Variants in LRBA observed in about 807,000 individuals in gnomAD.
LRBA encodes LPS responsive beige-like anchor protein.
LRBA carries 176 observed loss-of-function variants against 330.0 expected under a neutral mutation model. The ratio of observed to expected loss-of-function variants is 0.53; its 90% CI spans 0.47 to 0.60. LRBA has a LOEUF of 0.60. Among genes scored for constraint, LRBA ranks in the 20% least tolerant of loss-of-function variants. The probability of loss-of-function intolerance (pLI) is 0.00; values close to 1 mark genes in which losing one functional copy is unlikely to be tolerated. For missense variants in LRBA, 3,259 were observed against 3,444.8 expected, an observed-to-expected ratio of 0.95 and a Z score of 1.35; for synonymous variants, 1,230 against 1,193.0, an observed-to-expected ratio of 1.03 and a Z score of -0.64.
intron 40 of LRBA, among the ~76,000 whole-genome samples, chr4:150,542,978 A>T (rs1765470845): frequency 6.6e-6 from 1 of 152,174 alleles, no homozygotes; most frequent in African/African-American, 2.4e-5. Flanking sequence ...ACAAAAATGC[A>T]AATAAATTGC....
At chr4:150,762,398 CT>C (rs1027831951) in intron 34 of LRBA, among the ~76,000 whole-genome samples, 5 of 151,874 alleles carry the variant, frequency 3.3e-5, no homozygotes, top group Non-Finnish European at 5.9e-5. Context: ...TATAAATCTA[CT>C]AACTATATTC....
chr4:150,446,520 C>G (rs1330398237), intron 44 of LRBA, among the ~76,000 whole-genome samples: 1 of 152,162 alleles, frequency 6.6e-6, no homozygotes, highest in Non-Finnish European at 1.5e-5. Context: ...GACTGACAGG[C>G]AGTTACATTG....
chr4:150,543,169 C>T (rs1455318840), intron 40 of LRBA, among the ~76,000 whole-genome samples: 1 of 152,148 alleles, frequency 6.6e-6, no homozygotes, highest in East Asian at 1.9e-4. Context: ...AATGTTGGGA[C>T]TTGAAAAGGC....
intron 2 of LRBA, among the ~76,000 whole-genome samples, chr4:150,935,136 A>G (rs545961895): frequency 6.6e-6 from 1 of 150,944 alleles, no homozygotes; most frequent in Admixed American, 6.6e-5. Flanking sequence ...AGATTGCCCC[A>G]TTGCACTCCA....
At chr4:150,337,588 C>T (rs946784506) in intron 48 of LRBA, among the ~76,000 whole-genome samples, 1 of 152,164 alleles carries the variant, frequency 6.6e-6, no homozygotes, top group Admixed American at 6.6e-5. Flanking sequence ...GTTTATTTGG[C>T]TTCTCATTGT....
At chr4:150,824,619 G>T (rs2126796581) in intron 30 of LRBA, among the ~76,000 whole-genome samples, 1 of 152,192 alleles carries the variant, frequency 6.6e-6, no homozygotes, top group Non-Finnish European at 1.5e-5. Context: ...TTATCATGAA[G>T]GAATAGTGAA....
intron 34 of LRBA, among the ~76,000 whole-genome samples, chr4:150,776,574 G>A (rs1458899290): frequency 6.6e-6 from 1 of 152,080 alleles, no homozygotes; most frequent in Non-Finnish European, 1.5e-5. Context: ...AGCACTTTAG[G>A]AGACCAAGGC....
chr4:150,887,539 C>T lies in LRBA; in HGVS notation c.2165+5513G>A, dbSNP rs1052082561. Among the ~76,000 whole-genome samples the T allele has an allele frequency of 5.3e-5, 8 of 151,948 alleles. 1 individual carries two copies. In the South Asian group the frequency reaches 1.5e-3, roughly 28 times the overall value. On this transcript the variant is annotated intron_variant, in intron 17 of 56. Transcript: ENST00000651943. Reference sequence around the variant, plus strand: ...CTGTAATCCCAGCACTTTGGGAGGCCGAGGCAGGCAGATGGTCAGGAGATC... The same window carrying T: ...CTGTAATCCCAGCACTTTGGGAGGCTGAGGCAGGCAGATGGTCAGGAGATC...
At chr4:150,322,210 A>G (rs187790803) in intron 49 of LRBA, among the ~76,000 whole-genome samples, 1 of 152,324 alleles carries the variant, frequency 6.6e-6, no homozygotes, top group East Asian at 1.9e-4. Flanking sequence ...AAAATGTTAA[A>G]TGAAACACTG....
Position 150,844,718 on chromosome 4 carries a change from C to A in LRBA, c.4401G>T (p.Arg1467Ser). 6.2e-7 allele frequency: 1 copy of A among 1,613,044 alleles called. No homozygotes were observed. The highest frequency in any genetic ancestry group is 1.1e-5 in the South Asian group (1 of 91,054). The change falls in exon 27 of 57, where the codon AGG becomes AGT. Residue 1467 changes from arginine (R) to serine (S), a missense_variant. Physicochemically the swap from Arg to Ser is moderately radical, Grantham distance 110. Transcript: ENST00000651943. ...GCATTGGTTTCAAGGCTTTATCTCCCCTAGTTTTCAGTTGTGAATGCTGTT... is the reference window on the plus strand; with the variant it reads ...GCATTGGTTTCAAGGCTTTATCTCCACTAGTTTTCAGTTGTGAATGCTGTT... ...ECQQHSQLKT[R>S]GDKALKPMHS...
At chr4:150,710,658 C>G (rs1465102990) in intron 36 of LRBA, among the ~76,000 whole-genome samples, 1 of 152,028 alleles carries the variant, frequency 6.6e-6, no homozygotes, top group Non-Finnish European at 1.5e-5. Flanking sequence ...ACCAAATTCC[C>G]TATTTTTCTT....
intron 13 of LRBA, among the ~76,000 whole-genome samples, chr4:150,904,132 G>C (rs1446162427): frequency 6.6e-6 from 1 of 152,162 alleles, no homozygotes; most frequent in Non-Finnish European, 1.5e-5. Flanking sequence ...CACACATCCA[G>C]ACCTTCAACT....
Position 150,356,073 on chromosome 4 carries a change from T to A in LRBA, c.7195-5914A>T, listed in dbSNP as rs577683713. On this transcript the variant is annotated intron_variant, in intron 47 of 56. Transcript: ENST00000651943. ...TGTAATTTACATTGAAGAAAGCTGTTTTTTTCAGCCTAATTAGAACTGTTT... is the reference window on the plus strand; with the variant it reads ...TGTAATTTACATTGAAGAAAGCTGTATTTTTCAGCCTAATTAGAACTGTTT... Among the ~76,000 whole-genome samples the A allele has an allele frequency of 3.3e-5, 5 of 152,172 alleles. No homozygotes were observed. The East Asian group carries it at 9.6e-4, about 29-fold the overall frequency.
intron 28 of LRBA, among the ~76,000 whole-genome samples, chr4:150,837,675 C>T (rs1451219226): frequency 1.3e-5 from 2 of 152,242 alleles, no homozygotes; most frequent in Non-Finnish European, 2.9e-5. Flanking sequence ...TATTTTCAGC[C>T]TATGTGTGTC....
At position 150,435,720 on chromosome 4, in the gene LRBA, C is replaced by G; in HGVS notation, c.6922-12G>C. The stretch of plus-strand genomic sequence containing the variant: ...GTTGTAAAGGGTTCCTAAAAAATAG[C>G]AATTAAAAAAATCCATATGTTCCCT... On this transcript the variant is annotated splice_polypyrimidine_tract_variant and intron_variant, in intron 45 of 56. Transcript: ENST00000651943. The G allele has an allele frequency of 6.3e-7, 1 of 1,586,588 alleles. No individual in the cohort carries two copies. The highest frequency in any genetic ancestry group is 8.5e-7 in the Non-Finnish European group (1 of 1,170,704).
intron 47 of LRBA, among the ~76,000 whole-genome samples, chr4:150,393,759 T>C (rs888140033): frequency 1.3e-5 from 2 of 152,210 alleles, no homozygotes; most frequent in Non-Finnish European, 2.9e-5. Context: ...GTGTTGGGAT[T>C]ATGGGCATGA....
chr4:150,558,864 G>A (rs1448985298), intron 40 of LRBA, among the ~76,000 whole-genome samples: 1 of 152,054 alleles, frequency 6.6e-6, no homozygotes, highest in Non-Finnish European at 1.5e-5. Flanking sequence ...CTAGCCTTCA[G>A]GGAGGCAATT....
At chr4:150,276,659 C>A (rs1276174968) in intron 56 of LRBA, among the ~76,000 whole-genome samples, 1 of 152,142 alleles carries the variant, frequency 6.6e-6, no homozygotes, top group Non-Finnish European at 1.5e-5. Context: ...ACGCAGCCAA[C>A]AAACATATGA....
In LRBA at chr4:150,568,874, C is replaced by A. The variant is rs184122024; in HGVS notation, c.6330+19174G>T. ...CCAGAAAACAACAATGAAAAATTAA[C>A]CCTGGTTGAAAAAAGGGATAACTTA... is the stretch of plus-strand genomic sequence containing the variant. On this transcript the variant is annotated intron_variant, in intron 40 of 56. Transcript: ENST00000651943. 8.6e-5 allele frequency among the ~76,000 whole-genome samples: 13 copies of A among 151,918 alleles called. No individual in the cohort carries two copies. The East Asian group carries it at 2.3e-3, about 27-fold the overall frequency.
Sources: allele counts gnomAD v4.1 joint callset (sites outside exome capture counted in the v4.1 genomes callset), GRCh38; gene constraint gnomAD v4.1.1; transcripts MANE v1.5; gene names NCBI Gene and HGNC (gene_info 2026-07-23, HGNC 2026-07-21).